SMAP1: variants seen among roughly 807,000 people sequenced by gnomAD.
SMAP1 encodes the protein stromal membrane-associated protein 1.
SMAP1 carries 24 observed loss-of-function variants against 58.5 expected under a neutral mutation model. The ratio of observed to expected loss-of-function variants is 0.41; its 90% CI spans 0.30 to 0.58. The LOEUF is 0.58. SMAP1 is among the 20% of genes least tolerant of loss of function. SMAP1 has a pLI of 0.29. For missense variants in SMAP1, 563 were observed against 566.3 expected, an observed-to-expected ratio of 0.99 and a Z score of 0.06; for synonymous variants, 216 against 196.6, an observed-to-expected ratio of 1.10 and a Z score of -0.82.
intron 3 of SMAP1, among the ~76,000 whole-genome samples, chr6:70,764,820 G>C (rs1766896506): frequency 6.7e-6 from 1 of 150,042 alleles, no homozygotes; most frequent in Non-Finnish European, 1.5e-5. Context: ...CTTTTTTTTT[G>C]ACAGGGTCTC....
chr6:70,810,319 G>GT (rs1769332842), intron 6 of SMAP1, among the ~76,000 whole-genome samples: 2 of 152,048 alleles, frequency 1.3e-5, no homozygotes, highest in African/African-American at 4.8e-5. Context: ...CTCCTAGTAG[G>GT]TTTTTGATAG....
intron 3 of SMAP1, among the ~76,000 whole-genome samples, chr6:70,755,840 T>C (rs1766465861): frequency 6.6e-6 from 1 of 152,058 alleles, no homozygotes; most frequent in Admixed American, 6.6e-5. Context: ...ATAGTAGTTA[T>C]ATTTATGTGA....
intron 1 of SMAP1, among the ~76,000 whole-genome samples, chr6:70,690,444 T>G (rs1366673202): frequency 6.6e-6 from 1 of 151,934 alleles, no homozygotes; most frequent in East Asian, 1.9e-4. Flanking sequence ...GTAGCTGGGA[T>G]TACAAGCATG....
chr6:70,818,870 T>C (rs560577041), intron 6 of SMAP1, among the ~76,000 whole-genome samples: 1 of 151,632 alleles, frequency 6.6e-6, no homozygotes, highest in Non-Finnish European at 1.5e-5. Context: ...TTTATTGATA[T>C]TTTAATTCAT....
At position 70,732,426 on chromosome 6, in the gene SMAP1, G is replaced by A. The variant is rs1306996621; in HGVS notation, c.167G>A (p.Cys56Tyr). The A allele has an allele frequency of 1.9e-6, 3 of 1,612,844 alleles. No homozygotes were observed. Among genetic ancestry groups the A allele is most frequent in the Admixed American group, 1.7e-5 (1 of 59,984 alleles). Residue 56 changes from cysteine (C) to tyrosine (Y), a missense_variant, in exon 2 of 11, where the codon TGT becomes TAT. Around this residue, in one of 3 missense-constraint regions of SMAP1, gnomAD observed 17 missense variants for 45.9 expected, o/e 0.37. Transcript: ENST00000370455. ...WNIGVFICIRCAGIHRNLGVH... is the reference protein window; with the variant it reads ...WNIGVFICIRYAGIHRNLGVH... ...ATTGGTGTGTTTATTTGCATCAGATGTGCTGGAATTCATAGAAATCTTGGG... is the reference window on the plus strand; with the variant it reads ...ATTGGTGTGTTTATTTGCATCAGATATGCTGGAATTCATAGAAATCTTGGG...
chr6:70,795,599 G>GC (rs772866484), intron 5 of SMAP1, among the ~76,000 whole-genome samples: 7 of 152,046 alleles, frequency 4.6e-5, no homozygotes, highest in African/African-American at 9.7e-5. Context: ...CTTCCCAAAG[G>GC]CCCCACCTCC....
intron 1 of SMAP1, among the ~76,000 whole-genome samples, chr6:70,729,836 A>G (rs1214283550): frequency 6.6e-6 from 1 of 152,168 alleles, no homozygotes; most frequent in Non-Finnish European, 1.5e-5. Context: ...CTTGAGTTAA[A>G]GATTGTGGAG....
chr6:70,690,863 C>A (rs1010071036), intron 1 of SMAP1, among the ~76,000 whole-genome samples: 1 of 151,834 alleles, frequency 6.6e-6, no homozygotes, highest in Non-Finnish European at 1.5e-5. Context: ...CCCCTTCCCC[C>A]CTTCCCCACT....
intron 4 of SMAP1, among the ~76,000 whole-genome samples, chr6:70,788,260 T>C (rs1358061410): frequency 8.1e-6 from 1 of 123,430 alleles, no homozygotes; most frequent in Non-Finnish European, 1.6e-5. Flanking sequence ...TGAGAACACA[T>C]GGACACAGGA....
intron 6 of SMAP1, among the ~76,000 whole-genome samples, chr6:70,812,078 G>A (rs1009772096): frequency 6.6e-6 from 1 of 152,086 alleles, no homozygotes. Context: ...GCTTATTTTT[G>A]GAATTTCCCA....
intron 5 of SMAP1, among the ~76,000 whole-genome samples, chr6:70,796,453 C>T (rs866272166): frequency 6.6e-6 from 1 of 152,126 alleles, no homozygotes; most frequent in Non-Finnish European, 1.5e-5. Flanking sequence ...GTTTTTATTT[C>T]AGAAAATTGT....
intron 1 of SMAP1, among the ~76,000 whole-genome samples, chr6:70,687,870 A>G (rs1582000836): frequency 6.6e-6 from 1 of 152,154 alleles, no homozygotes; most frequent in African/African-American, 2.4e-5. Context: ...AGATTCATAT[A>G]TCTGCCACCA....
At chr6:70,838,766 T>A (rs1770697198) in intron 7 of SMAP1, among the ~76,000 whole-genome samples, 1 of 152,094 alleles carries the variant, frequency 6.6e-6, no homozygotes, top group Non-Finnish European at 1.5e-5. Context: ...AAGCTGAGTA[T>A]AACAGGACTT....
intron 1 of SMAP1, among the ~76,000 whole-genome samples, chr6:70,697,576 G>A (rs1306558379): frequency 6.6e-6 from 1 of 152,166 alleles, no homozygotes; most frequent in Non-Finnish European, 1.5e-5. Flanking sequence ...CAAGTGCTGG[G>A]ATTACAGGCG....
chr6:70,818,488 A>G (rs1422130997), intron 6 of SMAP1, among the ~76,000 whole-genome samples: 1 of 152,232 alleles, frequency 6.6e-6, no homozygotes, highest in African/African-American at 2.4e-5. Flanking sequence ...AATAGAATAA[A>G]GAAGGTTATA....
intron 7 of SMAP1, among the ~76,000 whole-genome samples, chr6:70,845,537 G>C: frequency 6.6e-6 from 1 of 152,124 alleles, no homozygotes; most frequent in Non-Finnish European, 1.5e-5. Flanking sequence ...AGTTTATTTT[G>C]TACTATGCAA....
intron 1 of SMAP1, among the ~76,000 whole-genome samples, chr6:70,682,433 C>A (rs2128552376): frequency 6.6e-6 from 1 of 152,206 alleles, no homozygotes; most frequent in Non-Finnish European, 1.5e-5. Context: ...AAGTGATCCA[C>A]CTGCCTTGGC....
chr6:70,740,465 CAA>C (rs58740346), intron 2 of SMAP1, among the ~76,000 whole-genome samples: 1 of 71,504 alleles, frequency 1.4e-5, no homozygotes. Context: ...GACTCCATCT[CAA>C]AAAAAAAAAA....
Position 70,860,736 on chromosome 6 carries a change from T to C in SMAP1, c.*402T>C, listed in dbSNP as rs1344448150. 2.5e-6 allele frequency: 1 copy of C among 401,312 alleles called. No homozygotes were observed. Among genetic ancestry groups the C allele is most frequent in the Non-Finnish European group, 4.4e-6 (1 of 227,406 alleles). The allele number at this position is 401,312 out of a possible 1,614,324, so 24.9% of individuals were successfully genotyped here. ...CCAGTAATCCTGTAGGAAGGTACTG[T>C]ATGATCAAATGTTTAATCATATAAA... On this transcript the variant is annotated 3_prime_UTR_variant, in exon 11 of 11. Transcript: ENST00000370455.
Sources: allele counts gnomAD v4.1 joint callset (sites outside exome capture counted in the v4.1 genomes callset), GRCh38; gene constraint gnomAD v4.1.1; regional missense constraint gnomAD v4.1.1; transcripts MANE v1.5; gene names NCBI Gene and HGNC (gene_info 2026-07-23, HGNC 2026-07-21).